ZC3H18: variants seen among roughly 807,000 people sequenced by gnomAD.
ZC3H18 encodes zinc finger CCCH-type containing 18.
Under a neutral mutation model 106.1 loss-of-function variants are expected in ZC3H18, and 8 were observed. The ratio of observed to expected loss-of-function variants is 0.08; its 90% confidence interval spans 0.04 to 0.14. ZC3H18 has a LOEUF of 0.14. Among genes scored for constraint, ZC3H18 ranks in the 10% least tolerant of loss-of-function variants. The pLI, the probability that ZC3H18 is intolerant of heterozygous loss-of-function variation, is 1.00. For synonymous variants in ZC3H18, 635 were observed against 522.1 expected (o/e 1.22, Z -2.95); for missense variants, 1,318 against 1,278.4 (o/e 1.03, Z -0.47).
chr16:88,615,898 C>G (rs1318738637), intron 8 of ZC3H18, among the ~76,000 whole-genome samples: 1 of 152,232 alleles, frequency 6.6e-6, no homozygotes, highest in Admixed American at 6.5e-5. Context: ...GAATGTACTT[C>G]TGGAGTACGC....
intron 3 of ZC3H18, among the ~76,000 whole-genome samples, chr16:88,590,066 T>G (rs973442310): frequency 7.9e-5 from 12 of 152,220 alleles, no homozygotes; most frequent in African/African-American, 2.4e-4. Context: ...GAGGATCACT[T>G]GAGCCCAGGA....
Position 88,577,352 on chromosome 16 carries a change from A to G in ZC3H18, c.229A>G (p.Lys77Glu), listed in dbSNP as rs1914822415. 6.2e-7 allele frequency: 1 copy of G among 1,601,728 alleles called. No individual in the cohort carries two copies. The highest frequency in any genetic ancestry group is 8.5e-7 in the Non-Finnish European group (1 of 1,172,668). ...CGAGGAGGACCGGGCAAGTGAGCCT[A>G]AATCCCAAGACCAGGACTCAGAGGT... The part of the protein sequence containing the change: ...SDEEDRASEP[K>E]SQDQDSEVNE... The change falls in exon 2 of 18, where the codon AAA becomes GAA. Residue 77 changes from lysine (K) to glutamate (E), a missense_variant. Lys to Glu is a moderately conservative substitution (Grantham distance 56). Around this residue, in one of 6 missense-constraint regions of ZC3H18, gnomAD observed 346 missense variants for 269.0 expected, o/e 1.29. Transcript: ENST00000301011.
At chr16:88,583,205 A>C (rs577200693) in intron 2 of ZC3H18, among the ~76,000 whole-genome samples, 1 of 152,360 alleles carries the variant, frequency 6.6e-6, no homozygotes, top group African/African-American at 2.4e-5. Context: ...CTTGTTGTGT[A>C]AGTAATACAT....
chr16:88,612,367 C>CT (rs1341681271), intron 8 of ZC3H18, among the ~76,000 whole-genome samples: 1 of 152,042 alleles, frequency 6.6e-6, no homozygotes, highest in Admixed American at 6.5e-5. Context: ...CATGAGAGCA[C>CT]TTTTGCCCCC....
intron 3 of ZC3H18, chr16:88,587,675 G>A (rs1278145799): frequency 7.0e-7 from 1 of 1,427,374 alleles, no homozygotes; most frequent in Non-Finnish European, 9.5e-7. Context: ...CCAGAGGCCA[G>A]ACTTCCTTCT....
chr16:88,584,415 C>CT (rs1195280166), intron 2 of ZC3H18, among the ~76,000 whole-genome samples: 2 of 148,014 alleles, frequency 1.4e-5, no homozygotes, highest in South Asian at 2.1e-4. Flanking sequence ...GAGCAGGACT[C>CT]TGTCTCCAAA....
At position 88,627,655 on chromosome 16, in the gene ZC3H18, C is replaced by T; in HGVS notation, c.2142C>T (p.Ser714=). Reference sequence around the variant, plus strand: ...GCGTGAGCAGCGTCTCCTCAGTGTCCAGTGCTACGTCGAGCAGCAGCTCTG... The same window carrying T: ...GCGTGAGCAGCGTCTCCTCAGTGTCTAGTGCTACGTCGAGCAGCAGCTCTG... The part of the protein sequence containing the change: ...SLSVSSVSSV[S]SATSSSSSAH... The change falls in exon 14 of 18, where the codon TCC becomes TCT. Residue 714 remains serine, a synonymous_variant. Transcript: ENST00000301011. The surrounding 1 kb of genome is among the most constrained non-coding windows in gnomAD (Gnocchi z 4.5). 1 of 1,610,586 alleles carries T rather than the reference C, an allele frequency of 6.2e-7. No individual in the cohort carries two copies. The highest frequency in any genetic ancestry group is 1.3e-5 in the African/African-American group (1 of 74,970).
chr16:88,572,129 C>G (rs73253971), intron 1 of ZC3H18, among the ~76,000 whole-genome samples: 203 of 152,304 alleles, frequency 1.3e-3, no homozygotes, highest in African/African-American at 4.7e-3. Flanking sequence ...ATCAAAGTGA[C>G]TAGCTTGAGA....
chr16:88,600,579 C>T (rs191097585), intron 6 of ZC3H18, among the ~76,000 whole-genome samples: 1 of 152,254 alleles, frequency 6.6e-6, no homozygotes, highest in East Asian at 1.9e-4. Flanking sequence ...ACACCCAACT[C>T]AGTTTTGTGT....
chr16:88,586,571 C>A, intron 2 of ZC3H18, 29 bp from the exon 3 acceptor site: 1 of 1,596,242 alleles, frequency 6.3e-7, no homozygotes, highest in Non-Finnish European at 8.6e-7. Flanking sequence ...GATGCCTCCC[C>A]CACGCTAAGA....
At chr16:88,621,927 C>T (rs930754677) in intron 8 of ZC3H18, among the ~76,000 whole-genome samples, 14 of 152,212 alleles carry the variant, frequency 9.2e-5, no homozygotes, top group Admixed American at 2.6e-4. Context: ...AGTAATGACA[C>T]TCACAGAAAG....
At chr16:88,588,600 A>G (rs1915570210) in intron 3 of ZC3H18, among the ~76,000 whole-genome samples, 1 of 152,210 alleles carries the variant, frequency 6.6e-6, no homozygotes, top group Non-Finnish European at 1.5e-5. Flanking sequence ...TGGTGCCCCC[A>G]AAGTTAGACT....
intron 8 of ZC3H18, among the ~76,000 whole-genome samples, chr16:88,619,120 G>A (rs1905801553): frequency 6.6e-6 from 1 of 152,080 alleles, no homozygotes; most frequent in Non-Finnish European, 1.5e-5. Flanking sequence ...GCTTTCTGCC[G>A]CAGACTTGGT....
In ZC3H18 at chr16:88,627,874, GGGAAAATCACCA is replaced by G. The variant is rs1906410693; in HGVS notation, c.2270-44_2270-33del. 6.2e-7 allele frequency: 1 copy of G among 1,613,288 alleles called. No individual in the cohort carries two copies. Among genetic ancestry groups the G allele is most frequent in the East Asian group, 2.2e-5 (1 of 44,882 alleles). On this transcript the variant is annotated intron_variant, in intron 14 of 17. Coordinates refer to ENST00000301011, the MANE Select transcript of ZC3H18 (RefSeq NM_144604.4). The surrounding 1 kb of genome is among the most constrained non-coding windows in gnomAD (Gnocchi z 4.5). ...TTTGCCTGGCTGTTGGTGTGGCCAT[GGGAAAATCACCA>G]GTACCCCCATGACTGCGGATTTATC...
In ZC3H18 at chr16:88,630,760, CCCCCCA is replaced by C. The variant is rs1906626502; in HGVS notation, c.2663+181_2663+186del. 3.7e-5 allele frequency among the ~76,000 whole-genome samples: 4 copies of C among 108,508 alleles called. 1 individual carries two copies. Among genetic ancestry groups the C allele is most frequent in the Admixed American group, 3.5e-4 (4 of 11,488 alleles). The allele number at this position is 108,508 out of a possible 152,430, so 71.2% of individuals were successfully genotyped here. A position where few individuals can be genotyped will look rare whatever the true frequency, so the allele number is the denominator to read the frequency against. ...CGAATTGCAGCCCCACCCCCCACCC[CCCCCCA>C]CACACACACACACGCTCCTGCCCTG... On this transcript the variant is annotated intron_variant, in intron 17 of 17. Coordinates refer to ENST00000301011, the MANE Select transcript of ZC3H18 (RefSeq NM_144604.4).
At chr16:88,571,909 C>G (rs184893973) in intron 1 of ZC3H18, among the ~76,000 whole-genome samples, 260 of 152,350 alleles carry the variant, frequency 1.7e-3, no homozygotes, top group African/African-American at 6.0e-3. Context: ...ATAGGTACTG[C>G]TCTGTTGAAA....
At chr16:88,609,142 A>G (rs139991487) in intron 7 of ZC3H18, 91 bp downstream of exon 7, 20,019 of 1,045,576 alleles carry the variant, frequency 0.019, 274 homozygotes, top group Non-Finnish European at 0.021. Flanking sequence ...ACAGGGCTTT[A>G]TATGAGCTTA....
intron 3 of ZC3H18, among the ~76,000 whole-genome samples, chr16:88,590,472 CCT>C (rs1567582498): frequency 6.6e-6 from 1 of 151,714 alleles, no homozygotes; most frequent in Admixed American, 6.6e-5. Flanking sequence ...CTCTCGTGGG[CCT>C]GTGTTGGATC....
chr16:88,599,028 G>A (rs1904604420), intron 5 of ZC3H18, among the ~76,000 whole-genome samples: 2 of 152,098 alleles, frequency 1.3e-5, no homozygotes, highest in African/African-American at 2.4e-5. Flanking sequence ...CCGGAAGGAT[G>A]GAGAGTTATA....
Sources: gnomAD v4.1 joint callset for allele counts (sites outside exome capture counted in the v4.1 genomes callset) on GRCh38, gnomAD v4.1.1 for gene constraint, gnomAD v4.1.1 regional missense constraint, Gnocchi (gnomAD v3.1) non-coding constraint, MANE v1.5 for transcripts, NCBI Gene and HGNC (gene_info 2026-07-23, HGNC 2026-07-21) for gene names.